The following KCTD8 variants were observed in gnomAD, a reference collection of about 807,000 sequenced individuals.
The protein encoded by KCTD8 is BTB/POZ domain-containing protein KCTD8.
Under a neutral mutation model 31.5 loss-of-function variants are expected in KCTD8, and 27 were observed. The ratio of observed to expected loss-of-function variants is 0.86; its 90% CI spans 0.63 to 1.18. The LOEUF is 1.18. Among genes scored for constraint, KCTD8 ranks in the 50% most tolerant of loss-of-function variants. KCTD8 has a pLI of 0.00. For missense variants in KCTD8, 658 were observed against 647.7 expected (o/e 1.02, Z -0.17); for synonymous variants, 290 against 280.0 (o/e 1.04, Z -0.36).
chr4:44,347,556 A>C (rs933321541), intron 1 of KCTD8, among the ~76,000 whole-genome samples: 2 of 152,166 alleles, frequency 1.3e-5, no homozygotes, highest in African/African-American at 4.8e-5. Flanking sequence ...CACATTGTTT[A>C]GTGCACTATT....
chr4:44,408,777 C>T (rs1373198085), intron 1 of KCTD8, among the ~76,000 whole-genome samples: 2 of 152,036 alleles, frequency 1.3e-5, no homozygotes, highest in African/African-American at 4.8e-5. Flanking sequence ...TGCCACCACG[C>T]CCAGCTAATT....
intron 1 of KCTD8, among the ~76,000 whole-genome samples, chr4:44,385,430 T>C (rs1720185405): frequency 6.6e-6 from 1 of 151,680 alleles, no homozygotes. Context: ...TTGACAAAAG[T>C]GCCAACACTA....
intron 1 of KCTD8, among the ~76,000 whole-genome samples, chr4:44,312,092 G>A (rs1238354747): frequency 6.6e-6 from 1 of 152,032 alleles, no homozygotes; most frequent in African/African-American, 2.4e-5. Context: ...TAATTCACAT[G>A]TATGGGGAAA....
At chr4:44,249,479 T>A (rs115139434) in intron 1 of KCTD8, among the ~76,000 whole-genome samples, 1 of 151,722 alleles carries the variant, frequency 6.6e-6, no homozygotes, top group Admixed American at 6.6e-5. Flanking sequence ...AATAAATAAT[T>A]TAGAATTTTC....
intron 1 of KCTD8, among the ~76,000 whole-genome samples, chr4:44,336,432 T>C (rs1185766818): frequency 6.6e-6 from 1 of 151,846 alleles, no homozygotes; most frequent in Admixed American, 6.6e-5. Context: ...TCTCTTTAAA[T>C]AAATAATATT....
At chr4:44,432,554 C>A (rs1048713845) in intron 1 of KCTD8, among the ~76,000 whole-genome samples, 7 of 151,576 alleles carry the variant, frequency 4.6e-5, no homozygotes, top group African/African-American at 1.5e-4. Flanking sequence ...ACTACAGGTA[C>A]CTCAGACTAA....
At position 44,434,480 on chromosome 4, in the gene KCTD8, G is replaced by A. The variant is rs144795154; in HGVS notation, c.961+13083C>T. ...ACACAGTTATTAACTAAAGGAAATAGGGTATAAATGCAGCCCTGGTTTACT... is the reference window on the plus strand; with the variant it reads ...ACACAGTTATTAACTAAAGGAAATAAGGTATAAATGCAGCCCTGGTTTACT... On this transcript the variant is annotated intron_variant, in intron 1 of 1. Transcript: ENST00000360029. Among the ~76,000 whole-genome samples, 7 of 151,952 alleles carry A rather than the reference G, an allele frequency of 4.6e-5. No individual in the cohort carries two copies. In the East Asian group the frequency reaches 1.4e-3, roughly 29 times the overall value.
intron 1 of KCTD8, among the ~76,000 whole-genome samples, chr4:44,199,080 C>T (rs1714039981): frequency 6.6e-6 from 1 of 152,100 alleles, no homozygotes; most frequent in South Asian, 2.1e-4. Context: ...AAAAAAGGTT[C>T]ACTTCAACTA....
intron 1 of KCTD8, among the ~76,000 whole-genome samples, chr4:44,414,019 A>T (rs1017749174): frequency 6.6e-6 from 1 of 152,174 alleles, no homozygotes; most frequent in Non-Finnish European, 1.5e-5. Context: ...TGTCCCCTTG[A>T]GCCTCCAGAA....
chr4:44,253,308 T>G (rs1715898637), intron 1 of KCTD8, among the ~76,000 whole-genome samples: 1 of 151,716 alleles, frequency 6.6e-6, no homozygotes, highest in Admixed American at 6.6e-5. Flanking sequence ...CAAATTCAAG[T>G]TTTTAGTAGA....
At chr4:44,439,362 A>T (rs942510943) in intron 1 of KCTD8, among the ~76,000 whole-genome samples, 1 of 152,184 alleles carries the variant, frequency 6.6e-6, no homozygotes, top group Non-Finnish European at 1.5e-5. Context: ...CGATAAAAGC[A>T]GGGTTTAATG....
At chr4:44,270,498 A>G (rs1716557165) in intron 1 of KCTD8, among the ~76,000 whole-genome samples, 1 of 152,020 alleles carries the variant, frequency 6.6e-6, no homozygotes, top group Non-Finnish European at 1.5e-5. Context: ...ATGTGTAACT[A>G]ACCTGCACAT....
intron 1 of KCTD8, among the ~76,000 whole-genome samples, chr4:44,236,668 G>A (rs188316066): frequency 7.9e-4 from 120 of 152,208 alleles, no homozygotes; most frequent in Middle Eastern, 3.4e-3. Context: ...ATTGATATAT[G>A]AGTGTGTCTA....
intron 1 of KCTD8, among the ~76,000 whole-genome samples, chr4:44,400,726 CTCA>C (rs1720628007): frequency 1.2e-5 from 1 of 80,132 alleles, no homozygotes; most frequent in Non-Finnish European, 2.5e-5. Context: ...GAGACTCTGT[CTCA>C]AAAAAAAAAA....
intron 1 of KCTD8, among the ~76,000 whole-genome samples, chr4:44,340,013 T>G (rs1310343813): frequency 6.6e-6 from 1 of 151,894 alleles, no homozygotes; most frequent in Non-Finnish European, 1.5e-5. Flanking sequence ...AAATGGTCAA[T>G]AAGCACATAA....
intron 1 of KCTD8, among the ~76,000 whole-genome samples, chr4:44,384,437 A>G (rs770644716): frequency 8.6e-5 from 13 of 151,932 alleles, no homozygotes; most frequent in Non-Finnish European, 1.5e-4. Flanking sequence ...AAAATGTGGT[A>G]TATACTATTA....
intron 1 of KCTD8, among the ~76,000 whole-genome samples, chr4:44,442,643 A>G (rs1355607920): frequency 6.6e-6 from 1 of 152,212 alleles, no homozygotes; most frequent in Non-Finnish European, 1.5e-5. Context: ...TTTAAATGAC[A>G]AGCAGACAAT....
chr4:44,294,376 C>A (rs116659726), intron 1 of KCTD8, among the ~76,000 whole-genome samples: 1 of 152,098 alleles, frequency 6.6e-6, no homozygotes, highest in African/African-American at 2.4e-5. Flanking sequence ...ACATTCTGCC[C>A]AAAGATTTCA....
intron 1 of KCTD8, among the ~76,000 whole-genome samples, chr4:44,215,210 G>A (rs891586877): frequency 2.0e-5 from 3 of 152,078 alleles, no homozygotes; most frequent in African/African-American, 7.2e-5. Context: ...AGCTAGCTCT[G>A]TGTGAATTAA....
Sources: allele counts gnomAD v4.1 joint callset (sites outside exome capture counted in the v4.1 genomes callset), GRCh38; gene constraint gnomAD v4.1.1; transcripts MANE v1.5; gene names NCBI Gene and HGNC (gene_info 2026-07-23, HGNC 2026-07-21).